CCSER1: variants seen among roughly 807,000 people sequenced by gnomAD.
CCSER1 encodes serine-rich coiled-coil domain-containing protein 1.
In CCSER1, 41 loss-of-function variants were observed where a neutral mutation model predicts 82.0. The observed-to-expected ratio is 0.50, with a 90% CI of 0.39 to 0.65. The LOEUF (loss-of-function observed/expected upper bound fraction) is 0.65. Ranked by LOEUF, CCSER1 falls within the 30% of genes least tolerant of loss-of-function variation. CCSER1 has a pLI of 0.00. For synonymous variants in CCSER1, 414 were observed against 383.9 expected (o/e 1.08, Z -0.92); for missense variants, 1,119 against 1,064.2 (o/e 1.05, Z -0.72).
rs989473898 is a variant in CCSER1, at chr4:91,598,620, A to G, written c.2266A>G (p.Arg756Gly). 3 of 1,551,468 alleles carry G rather than the reference A, an allele frequency of 1.9e-6. No homozygotes were observed. The highest frequency in any genetic ancestry group is 3.9e-5 in the Admixed American group (2 of 50,970). Residue 756 changes from arginine to glycine, a missense_variant, in exon 11 of 11, where the codon AGA becomes GGA. Arg to Gly is a moderately radical substitution (Grantham distance 125, BLOSUM62 -2). Transcript: ENST00000509176. Reference sequence around the variant, plus strand: ...GAGCCAAAATCTCAGCACAAGGGACAGAAAAGCAATACATACTCCCACCGA... The same window carrying G: ...GAGCCAAAATCTCAGCACAAGGGACGGAAAAGCAATACATACTCCCACCGA... ...IVSQNLSTRD[R>G]KAIHTPTEDR...
chr4:90,574,930 A>G (rs1780574246), intron 5 of CCSER1, among the ~76,000 whole-genome samples: 1 of 152,152 alleles, frequency 6.6e-6, no homozygotes, highest in South Asian at 2.1e-4. Flanking sequence ...AGCCGAAAGT[A>G]TTTAATAGAG....
rs376850016 is a variant in CCSER1 at position 91,237,297 on chromosome 4, A to C, written c.2217+151303A>C. On this transcript the variant is annotated intron_variant, in intron 10 of 10. Transcript: ENST00000509176. ...AGATACTTAGACATCTGTTATAATC[A>C]GTGAAAGAAGGGTTACTGATTTATT... Among the ~76,000 whole-genome samples, 20 of 151,926 alleles carry C rather than the reference A, an allele frequency of 1.3e-4. No homozygotes were observed. In the East Asian group the frequency reaches 3.9e-3, roughly 29 times the overall value.
At chr4:90,772,769 A>G (rs1445595947) in intron 7 of CCSER1, among the ~76,000 whole-genome samples, 2 of 152,202 alleles carry the variant, frequency 1.3e-5, no homozygotes, top group African/African-American at 2.4e-5. Flanking sequence ...TATTGTGTCA[A>G]AAAATGATAT....
intron 5 of CCSER1, among the ~76,000 whole-genome samples, chr4:90,581,556 TATTA>T (rs112175765): frequency 0.017 from 2,651 of 152,220 alleles, 74 homozygotes; most frequent in African/African-American, 0.056. Flanking sequence ...GCACAGTTCT[TATTA>T]ATTAATTATT....
intron 9 of CCSER1, among the ~76,000 whole-genome samples, chr4:90,947,491 A>G (rs1442368810): frequency 6.6e-6 from 1 of 152,158 alleles, no homozygotes; most frequent in Non-Finnish European, 1.5e-5. Context: ...CAGCTCAACT[A>G]GATTTTTCAA....
intron 1 of CCSER1, among the ~76,000 whole-genome samples, chr4:90,275,319 T>C (rs1727349099): frequency 1.3e-5 from 2 of 152,148 alleles, no homozygotes; most frequent in South Asian, 4.1e-4. Context: ...TAAGCAATTA[T>C]AATTTCACGT....
At chr4:91,587,856 T>G (rs1764073998) in intron 10 of CCSER1, among the ~76,000 whole-genome samples, 1 of 151,704 alleles carries the variant, frequency 6.6e-6, no homozygotes, top group South Asian at 2.1e-4. Flanking sequence ...TCACACAGTC[T>G]CTCTAGTCAG....
At chr4:91,081,879 G>T (rs186928792) in intron 9 of CCSER1, among the ~76,000 whole-genome samples, 85 of 152,210 alleles carry the variant, frequency 5.6e-4, no homozygotes, top group Admixed American at 7.2e-4. Context: ...CCTCTTCAAG[G>T]AGAACTACAA....
chr4:91,228,125 A>G (rs1009790911), intron 10 of CCSER1, among the ~76,000 whole-genome samples: 3 of 152,084 alleles, frequency 2.0e-5, no homozygotes, highest in African/African-American at 7.2e-5. Context: ...AAGAAATCCT[A>G]GATTGAGTGA....
At chr4:91,256,921 G>A (rs1402672569) in intron 10 of CCSER1, among the ~76,000 whole-genome samples, 5 of 152,072 alleles carry the variant, frequency 3.3e-5, no homozygotes, top group South Asian at 4.1e-4. Context: ...GCTCCCTTCT[G>A]GCTGACATAT....
intron 10 of CCSER1, among the ~76,000 whole-genome samples, chr4:91,528,473 C>T (rs1026108605): frequency 2.0e-5 from 3 of 151,498 alleles, no homozygotes; most frequent in African/African-American, 7.3e-5. Context: ...TTCCTTTTTC[C>T]AAAAAAAGAG....
chr4:90,196,847 C>T (rs970897545), intron 1 of CCSER1, among the ~76,000 whole-genome samples: 10 of 152,010 alleles, frequency 6.6e-5, no homozygotes, highest in African/African-American at 1.7e-4. Flanking sequence ...GCTACTCTCC[C>T]GAACAGATGG....
intron 1 of CCSER1, among the ~76,000 whole-genome samples, chr4:90,199,816 G>C (rs11936658): frequency 0.012 from 1,813 of 151,920 alleles, 45 homozygotes; most frequent in African/African-American, 0.041. Context: ...GAAGCATGTC[G>C]ATGTGCCCAT....
chr4:91,220,073 C>T (rs1054900722), intron 10 of CCSER1, among the ~76,000 whole-genome samples: 1 of 152,126 alleles, frequency 6.6e-6, no homozygotes, highest in African/African-American at 2.4e-5. Context: ...ACTTCCCTCC[C>T]GAGTCACTTT....
At chr4:91,280,432 G>A (rs1742827456) in intron 10 of CCSER1, among the ~76,000 whole-genome samples, 1 of 152,172 alleles carries the variant, frequency 6.6e-6, no homozygotes, top group Non-Finnish European at 1.5e-5. Context: ...GCTCTCAAGT[G>A]GCACATACAG....
chr4:90,917,378 G>A (rs951198352), intron 8 of CCSER1, among the ~76,000 whole-genome samples: 2 of 152,060 alleles, frequency 1.3e-5, no homozygotes, highest in African/African-American at 4.8e-5. Context: ...CATGGATGAA[G>A]CTGGAAACCA....
chr4:91,188,400 C>CA (rs1433066585), intron 10 of CCSER1, among the ~76,000 whole-genome samples: 4 of 151,976 alleles, frequency 2.6e-5, no homozygotes, highest in Non-Finnish European at 5.9e-5. Context: ...CTAAGTTATT[C>CA]AAAACTTCTG....
At chr4:90,196,817 T>C (rs189323321) in intron 1 of CCSER1, among the ~76,000 whole-genome samples, 32 of 152,200 alleles carry the variant, frequency 2.1e-4, no homozygotes, top group African/African-American at 7.2e-4. Context: ...CTATTAGGGA[T>C]AGGAAAAGCA....
intron 4 of CCSER1, among the ~76,000 whole-genome samples, chr4:90,466,975 T>C (rs1763727357): frequency 6.6e-6 from 1 of 152,188 alleles, no homozygotes; most frequent in African/African-American, 2.4e-5. Flanking sequence ...ACGAAATGTA[T>C]AAATAAATCG....
Sources: allele counts gnomAD v4.1 joint callset (sites outside exome capture counted in the v4.1 genomes callset), GRCh38; gene constraint gnomAD v4.1.1; transcripts MANE v1.5; gene names NCBI Gene and HGNC (gene_info 2026-07-23, HGNC 2026-07-21).